The following GPHN variants were observed in gnomAD, a reference collection of about 807,000 sequenced individuals.
GPHN encodes gephyrin.
GPHN carries 17 observed loss-of-function variants against 95.5 expected under a neutral mutation model. The observed-to-expected ratio is 0.18, with a 90% CI of 0.12 to 0.27. The LOEUF (loss-of-function observed/expected upper bound fraction) is 0.27. Ranked by LOEUF, GPHN falls within the 10% of genes least tolerant of loss-of-function variation. GPHN has a pLI of 1.00. For synonymous variants in GPHN, 320 were observed against 322.5 expected, an observed-to-expected ratio of 0.99 and a Z score of 0.08; for missense variants, 660 against 978.1, an observed-to-expected ratio of 0.67 and a Z score of 4.34.
chr14:66,751,958 C>A (rs1333740686), intron 2 of GPHN, among the ~76,000 whole-genome samples: 1 of 152,124 alleles, frequency 6.6e-6, no homozygotes, highest in Non-Finnish European at 1.5e-5. Flanking sequence ...CATCAATGAT[C>A]TTAGCTAGAT....
At chr14:67,310,763 A>G in the GPHN span, among the ~76,000 whole-genome samples, 1 of 152,208 alleles carries the variant, frequency 6.6e-6, no homozygotes, top group Non-Finnish European at 1.5e-5. Flanking sequence ...AAGTTAATAA[A>G]ATATTCTTTG....
At chr14:67,508,094 C>T in the GPHN span, among the ~76,000 whole-genome samples, 3 of 147,452 alleles carry the variant, frequency 2.0e-5, no homozygotes, top group South Asian at 2.1e-4. Context: ...GCCGAAGTCA[C>T]ATTGCACTCC....
At chr14:66,823,506 C>G (rs1197165029) in intron 3 of GPHN, among the ~76,000 whole-genome samples, 1 of 152,098 alleles carries the variant, frequency 6.6e-6, no homozygotes, top group Non-Finnish European at 1.5e-5. Flanking sequence ...GATCAAAGTT[C>G]TTTAGATGGG....
At chr14:66,791,848 A>G (rs1183153613) in intron 3 of GPHN, among the ~76,000 whole-genome samples, 2 of 152,142 alleles carry the variant, frequency 1.3e-5, no homozygotes, top group Non-Finnish European at 2.9e-5. Flanking sequence ...TGCTCCTAAT[A>G]AAGACATAGG....
chr14:66,587,956 G>A (rs1415564648), intron 1 of GPHN, among the ~76,000 whole-genome samples: 2 of 152,206 alleles, frequency 1.3e-5, no homozygotes, highest in Non-Finnish European at 2.9e-5. Context: ...ACACCTCCCA[G>A]CAAGGGTTGA....
chr14:67,040,990 T>C (rs908487409), intron 10 of GPHN, among the ~76,000 whole-genome samples: 3 of 152,204 alleles, frequency 2.0e-5, no homozygotes, highest in African/African-American at 7.2e-5. Flanking sequence ...CTTGAGGCTT[T>C]TACCTTCTAG....
At chr14:66,950,020 C>CAAAAAAAAAAAAAAAAAAAAAAAA (rs2068001572) in intron 8 of GPHN, among the ~76,000 whole-genome samples, 1 of 114,258 alleles carries the variant, frequency 8.8e-6, no homozygotes. Flanking sequence ...AAAAAAAAAG[C>CAAAAAAAAAAAAAAAAAAAAAAAA]ATAGATAAAG....
intron 2 of GPHN, among the ~76,000 whole-genome samples, chr14:66,723,778 A>G (rs2070972951): frequency 6.6e-6 from 1 of 152,090 alleles, no homozygotes; most frequent in Non-Finnish European, 1.5e-5. Flanking sequence ...TATTTTACCA[A>G]CAATCTTTAA....
intron 2 of GPHN, among the ~76,000 whole-genome samples, chr14:66,705,013 A>G (rs2068928058): frequency 6.6e-6 from 1 of 152,266 alleles, no homozygotes; most frequent in East Asian, 1.9e-4. Context: ...GATACAAACT[A>G]CCATTAGAGA....
At chr14:67,661,077 T>C in the GPHN span, among the ~76,000 whole-genome samples, 3 of 152,182 alleles carry the variant, frequency 2.0e-5, no homozygotes, top group East Asian at 3.9e-4. Context: ...ATTGAAACAC[T>C]GATCTTCAAC....
intron 4 of GPHN, among the ~76,000 whole-genome samples, chr14:66,866,695 T>A (rs2063234159): frequency 6.6e-6 from 1 of 152,170 alleles, no homozygotes; most frequent in South Asian, 2.1e-4. Context: ...TGAAAATCTT[T>A]CAAATACATA....
At position 66,985,550 on chromosome 14, in the gene GPHN, C is replaced by T; in HGVS notation, c.963+20225C>T. The T allele has an allele frequency of 3.3e-6, 2 of 599,762 alleles. 1 individual carries two copies. Among genetic ancestry groups the T allele is most frequent in the South Asian group, 4.3e-5 (2 of 46,234 alleles). 37.2% of individuals were successfully genotyped at this position (599,762 alleles called of 1,614,324 possible). ...CATACAGCCTCTGGGTTAGTTAACT[C>T]CTTGGCCTCCTAAGAGCTACCACAG... On this transcript the variant is annotated intron_variant, in intron 9 of 22. Transcript: ENST00000478722.
At chr14:67,163,055 C>T (rs920100639) in intron 19 of GPHN, among the ~76,000 whole-genome samples, 8 of 152,122 alleles carry the variant, frequency 5.3e-5, no homozygotes, top group Non-Finnish European at 8.8e-5. Flanking sequence ...CCTGTAATCC[C>T]AGTACTTTGG....
the GPHN span, chr14:67,733,725 C>T: frequency 9.8e-6 from 15 of 1,535,320 alleles, no homozygotes; most frequent in Non-Finnish European, 1.4e-5. Flanking sequence ...CTGGAATTTA[C>T]TGTCTTTCTC....
chr14:66,830,837 A>T (rs1236790537), intron 4 of GPHN, among the ~76,000 whole-genome samples: 5 of 152,038 alleles, frequency 3.3e-5, no homozygotes, highest in African/African-American at 1.2e-4. Flanking sequence ...AGGTTATTAG[A>T]TTTTTTTCAT....
At chr14:67,550,258 A>T in the GPHN span, among the ~76,000 whole-genome samples, 1 of 151,912 alleles carries the variant, frequency 6.6e-6, no homozygotes, top group Non-Finnish European at 1.5e-5. Context: ...GCACCATCTC[A>T]GCTCACTGCT....
intron 2 of GPHN, among the ~76,000 whole-genome samples, chr14:66,721,337 T>C (rs2070719586): frequency 6.6e-6 from 1 of 152,204 alleles, no homozygotes; most frequent in African/African-American, 2.4e-5. Flanking sequence ...TTGCTGTGGC[T>C]AATGATATTT....
the GPHN span, chr14:67,224,031 C>T: frequency 5.2e-6 from 5 of 957,788 alleles, no homozygotes; most frequent in African/African-American, 1.8e-5. Context: ...CATTATTAAG[C>T]TCATCTGATT....
At chr14:66,538,963 A>C (rs548584678) in intron 1 of GPHN, among the ~76,000 whole-genome samples, 1 of 152,164 alleles carries the variant, frequency 6.6e-6, no homozygotes, top group South Asian at 2.1e-4. Flanking sequence ...GGCCAATTTA[A>C]TTAGAGTTTT....
Sources: gnomAD v4.1 joint callset for allele counts (sites outside exome capture counted in the v4.1 genomes callset) on GRCh38, gnomAD v4.1.1 for gene constraint, MANE v1.5 for transcripts, NCBI Gene and HGNC (gene_info 2026-07-23, HGNC 2026-07-21) for gene names.